Variants in DIS3L2 observed in about 807,000 individuals in gnomAD.
The protein encoded by DIS3L2 is DIS3-like exonuclease 2.
DIS3L2 carries 34 observed loss-of-function variants against 97.5 expected under a neutral mutation model. The ratio of observed to expected loss-of-function variants is 0.35; its 90% CI spans 0.27 to 0.46. The LOEUF is 0.46. Ranked by LOEUF, DIS3L2 falls within the 20% of genes least tolerant of loss-of-function variation. The pLI is 1.00. For synonymous variants in DIS3L2, 435 were observed against 445.2 expected (o/e 0.98, Z 0.29); for missense variants, 1,038 against 1,146.0 (o/e 0.91, Z 1.36).
chr2:232,318,017 G>A (rs1195842499), intron 14 of DIS3L2, among the ~76,000 whole-genome samples: 2 of 152,140 alleles, frequency 1.3e-5, no homozygotes, highest in African/African-American at 2.4e-5. Context: ...TTTCCCCCCT[G>A]ACTTTAGCAA....
chr2:232,167,108 C>T (rs1339475324), intron 9 of DIS3L2, among the ~76,000 whole-genome samples: 1 of 151,782 alleles, frequency 6.6e-6, no homozygotes, highest in South Asian at 2.1e-4. Flanking sequence ...TTATTTTACT[C>T]CTTTGCATTT....
At chr2:232,083,875 CT>C (rs1696491649) in intron 5 of DIS3L2, among the ~76,000 whole-genome samples, 4 of 152,268 alleles carry the variant, frequency 2.6e-5, no homozygotes, top group African/African-American at 9.6e-5. Flanking sequence ...CAGAACTTCT[CT>C]CTCTGAGATA....
At chr2:232,310,601 A>G (rs144576352) in intron 14 of DIS3L2, among the ~76,000 whole-genome samples, 11 of 152,346 alleles carry the variant, frequency 7.2e-5, no homozygotes, top group Non-Finnish European at 1.3e-4. Flanking sequence ...CCTCAGTTTT[A>G]TCTACAGGAA....
At position 231,976,765 on chromosome 2, in the gene DIS3L2, C is replaced by CTTT. The variant is rs34911392; in HGVS notation, c.-94+15018_-94+15020dup. 1.7e-3 allele frequency among the ~76,000 whole-genome samples: 208 copies of CTTT among 124,460 alleles called. 1 individual carries two copies. The highest frequency in any genetic ancestry group is 6.1e-3 in the East Asian group (28 of 4,594). The allele number at this position is 124,460 out of a possible 152,430, so 81.7% of individuals were successfully genotyped here. On this transcript the variant is annotated intron_variant, in intron 1 of 20. Coordinates refer to ENST00000325385, the MANE Select transcript of DIS3L2 (RefSeq NM_152383.5). ...TTGGCAAAATCATTTAACACGAAGC[C>CTTT]TTTTTTTTTTTTTTTTTTTTGAGAC... is the stretch of plus-strand genomic sequence containing the variant.
chr2:232,325,798 C>G lies in DIS3L2; in HGVS notation c.1740-4015C>G, dbSNP rs111377590. On this transcript the variant is annotated intron_variant, in intron 14 of 20. Coordinates refer to ENST00000325385, the MANE Select transcript of DIS3L2 (RefSeq NM_152383.5). This position sits in a 1 kb window ranked among gnomAD's most constrained non-coding sequence, Gnocchi z 4.6. The stretch of plus-strand genomic sequence containing the variant: ...CCCTGAGCTCCAGCGCCCCATCCCC[C>G]GCAGGGCCCAGTGATCTCACGCCTG... Among the ~76,000 whole-genome samples, 4 of 152,232 alleles carry G rather than the reference C, an allele frequency of 2.6e-5. No homozygotes were observed. The highest frequency in any genetic ancestry group is 7.2e-5 in the African/African-American group (3 of 41,468).
intron 5 of DIS3L2, among the ~76,000 whole-genome samples, chr2:232,075,207 G>A (rs1365389518): frequency 6.6e-6 from 1 of 152,154 alleles, no homozygotes; most frequent in African/African-American, 2.4e-5. Flanking sequence ...TTTAGTAGCT[G>A]TGAGATTGTG....
At chr2:232,140,582 C>T (rs368879460) in intron 8 of DIS3L2, among the ~76,000 whole-genome samples, 7 of 152,256 alleles carry the variant, frequency 4.6e-5, no homozygotes, top group Admixed American at 3.9e-4. Flanking sequence ...AGGTGGAGAA[C>T]GCCAAATTGA....
intron 6 of DIS3L2, among the ~76,000 whole-genome samples, chr2:232,105,464 G>A (rs564807030): frequency 6.6e-6 from 1 of 152,230 alleles, no homozygotes; most frequent in Admixed American, 6.5e-5. Context: ...TATAACTGGA[G>A]CTTGCCCAGC....
At chr2:232,296,113 G>C (rs533832198) in intron 13 of DIS3L2, among the ~76,000 whole-genome samples, 43 of 152,268 alleles carry the variant, frequency 2.8e-4, no homozygotes, top group Non-Finnish European at 4.9e-4. Flanking sequence ...ATCTCAGATT[G>C]AACTCAAACT....
At chr2:232,137,812 C>A (rs2106356537) in intron 8 of DIS3L2, among the ~76,000 whole-genome samples, 1 of 152,176 alleles carries the variant, frequency 6.6e-6, no homozygotes, top group Middle Eastern at 3.4e-3. Flanking sequence ...TCTTTTTTTC[C>A]TCTCAAGTGG....
chr2:232,079,561 C>T (rs1166300114), intron 5 of DIS3L2, among the ~76,000 whole-genome samples: 7 of 131,934 alleles, frequency 5.3e-5, no homozygotes, highest in African/African-American at 2.0e-4. Context: ...GATTGCGCCA[C>T]TGCACTCCAG....
chr2:232,195,907 A>AGG (rs1691739958), intron 9 of DIS3L2, among the ~76,000 whole-genome samples: 1 of 151,910 alleles, frequency 6.6e-6, no homozygotes, highest in African/African-American at 2.4e-5. Context: ...TCCCCAGGCA[A>AGG]GGGGGGAGTT....
At chr2:232,099,771 A>C (rs565606378) in intron 6 of DIS3L2, among the ~76,000 whole-genome samples, 2 of 152,292 alleles carry the variant, frequency 1.3e-5, no homozygotes, top group East Asian at 3.9e-4. Context: ...TGGTCTGTTC[A>C]GATTCTCTAT....
chr2:231,962,995 A>G (rs940362435), intron 1 of DIS3L2, among the ~76,000 whole-genome samples: 1 of 151,704 alleles, frequency 6.6e-6, no homozygotes, highest in Non-Finnish European at 1.5e-5. Flanking sequence ...ATGGTCACCT[A>G]GGTTGATTCC....
intron 13 of DIS3L2, among the ~76,000 whole-genome samples, chr2:232,275,250 G>A (rs1343824009): frequency 6.6e-6 from 1 of 152,108 alleles, no homozygotes; most frequent in Non-Finnish European, 1.5e-5. Flanking sequence ...TTTGTTTTGC[G>A]GTTTTCTTTC....
At chr2:232,336,299 C>G in intron 20 of DIS3L2, 170 bp from the exon 21 acceptor site, 1 of 1,546,984 alleles carries the variant, frequency 6.5e-7, no homozygotes, top group Non-Finnish European at 8.7e-7. Flanking sequence ...CCCAACTCTG[C>G]CCTGACCCAG....
Position 232,292,621 on chromosome 2 carries a change from G to A in DIS3L2, c.1660-7419G>A, listed in dbSNP as rs1377214181. Among the ~76,000 whole-genome samples the A allele has an allele frequency of 2.6e-5, 4 of 152,156 alleles. No individual in the cohort carries two copies. Among genetic ancestry groups the A allele is most frequent in the Non-Finnish European group, 4.4e-5 (3 of 68,022 alleles). ...TGGGGGCCCCACCCTAGAGCAGGAG[G>A]CCTAGGTCCAAAGGGGACCCAGTGG... On this transcript the variant is annotated intron_variant, in intron 13 of 20. Transcript: ENST00000325385. The surrounding 1 kb of genome is among the most constrained non-coding windows in gnomAD (Gnocchi z 4.4).
At chr2:232,171,803 G>C (rs1029926536) in intron 9 of DIS3L2, among the ~76,000 whole-genome samples, 14 of 152,090 alleles carry the variant, frequency 9.2e-5, no homozygotes, top group Admixed American at 8.5e-4. Context: ...CTTCTTAATT[G>C]TAAGTATTTA....
At chr2:232,241,728 C>T (rs1693105127) in intron 11 of DIS3L2, among the ~76,000 whole-genome samples, 2 of 152,164 alleles carry the variant, frequency 1.3e-5, no homozygotes, top group Non-Finnish European at 2.9e-5. Context: ...CAGAAGGACA[C>T]AACATTTGCT....
Sources: gnomAD v4.1 joint callset for allele counts (sites outside exome capture counted in the v4.1 genomes callset) on GRCh38, gnomAD v4.1.1 for gene constraint, Gnocchi (gnomAD v3.1) non-coding constraint, MANE v1.5 for transcripts, NCBI Gene and HGNC (gene_info 2026-07-23, HGNC 2026-07-21) for gene names.